The following PRKG1 variants were observed in gnomAD, a reference collection of about 807,000 sequenced individuals.
PRKG1 encodes the protein cGMP-dependent protein kinase 1.
In PRKG1, 35 loss-of-function variants were observed where a neutral mutation model predicts 88.1. The observed-to-expected ratio is 0.40, with a 90% CI of 0.30 to 0.53. PRKG1 has a LOEUF of 0.53. Among genes scored for constraint, PRKG1 ranks in the 20% least tolerant of loss-of-function variants. The pLI, the probability that PRKG1 is intolerant of heterozygous loss-of-function variation, is 0.59. For synonymous variants in PRKG1, 303 were observed against 292.5 expected (o/e 1.04, Z -0.37); for missense variants, 540 against 839.8 (o/e 0.64, Z 4.41).
rs148294290 is a variant in PRKG1, at chr10:51,199,536, A to G, written c.478+46206A>G. 7.0e-3 allele frequency among the ~76,000 whole-genome samples: 1,070 copies of G among 152,242 alleles called. 4 individuals carry two copies. Among genetic ancestry groups the G allele is most frequent in the South Asian group, 0.015 (71 of 4,822 alleles). On this transcript the variant is annotated intron_variant, in intron 2 of 17. Coordinates refer to ENST00000373980, the MANE Select transcript of PRKG1 (RefSeq NM_006258.4). The stretch of plus-strand genomic sequence containing the variant: ...CTCTGCAGATCTATTTTCTACCATT[A>G]TCGGCTGTGTTACCAGCACAATGGC...
intron 2 of PRKG1, among the ~76,000 whole-genome samples, chr10:51,446,561 T>G (rs1040217462): frequency 6.6e-6 from 1 of 152,044 alleles, no homozygotes; most frequent in Non-Finnish European, 1.5e-5. Flanking sequence ...GAAAATTGTT[T>G]TACAATTTAA....
At chr10:51,871,533 C>T (rs924074754) in intron 4 of PRKG1, among the ~76,000 whole-genome samples, 1 of 152,232 alleles carries the variant, frequency 6.6e-6, no homozygotes, top group Non-Finnish European at 1.5e-5. Flanking sequence ...ATAATAGTGG[C>T]TACTGTCCCA....
chr10:51,445,819 A>C, intron 2 of PRKG1, among the ~76,000 whole-genome samples: 1 of 151,914 alleles, frequency 6.6e-6, no homozygotes, highest in East Asian at 1.9e-4. Context: ...AAGTAGGTTA[A>C]AAATAGCCTT....
rs547183440 is a variant in PRKG1, at chr10:51,092,691, C to T, written c.311+17790C>T. ...ACTGTTAGCTTGCTTTCTTATTGTG[C>T]GGGTACCAGAAATGAAGTTTCAGTG... On this transcript the variant is annotated intron_variant, in intron 1 of 17. Transcript: ENST00000373980. 5.3e-4 allele frequency among the ~76,000 whole-genome samples: 81 copies of T among 152,048 alleles called. No homozygotes were observed. The South Asian group carries it at 0.012, about 22-fold the overall frequency.
rs1487405348 is a variant in PRKG1 at position 50,991,272 on chromosome 10, C to G, written c.-107C>G. On this transcript the variant is annotated 5_prime_UTR_variant, in exon 1 of 18. Transcript: ENST00000401604. This position sits in a 1 kb window ranked among gnomAD's most constrained non-coding sequence, Gnocchi z 4.5. The stretch of plus-strand genomic sequence containing the variant: ...CGCTCGAGTACTTAGCGCCCATTCA[C>G]TCGCTCACCCGCGCTCTCCGCTGCC... 2.8e-6 allele frequency: 4 copies of G among 1,432,464 alleles called. No individual in the cohort carries two copies. Among genetic ancestry groups the G allele is most frequent in the African/African-American group, 3.0e-5 (2 of 65,616 alleles). 88.7% of individuals were successfully genotyped at this position (1,432,464 alleles called of 1,614,324 possible).
chr10:52,232,611 A>T (rs1840552309), intron 9 of PRKG1, among the ~76,000 whole-genome samples: 1 of 152,222 alleles, frequency 6.6e-6, no homozygotes, highest in South Asian at 2.1e-4. Flanking sequence ...TCATATATTT[A>T]CATTAAGGTT....
Position 52,198,497 on chromosome 10 carries a change from A to G in PRKG1, c.1076+36534A>G, listed in dbSNP as rs116669451. On this transcript the variant is annotated intron_variant, in intron 9 of 17. Coordinates refer to ENST00000373980, the MANE Select transcript of PRKG1 (RefSeq NM_006258.4). ...GAAACAATGAGCAAATAGAATCAGG[A>G]AAAACTATAATAATTAGAATGATAA... 3.3e-3 allele frequency among the ~76,000 whole-genome samples: 510 copies of G among 152,338 alleles called. 5 individuals are homozygous for G. The highest frequency in any genetic ancestry group is 0.012 in the African/African-American group (498 of 41,588).
At chr10:51,832,742 A>G (rs904551347) in intron 4 of PRKG1, among the ~76,000 whole-genome samples, 2 of 152,172 alleles carry the variant, frequency 1.3e-5, no homozygotes, top group African/African-American at 4.8e-5. Context: ...AGCAATTTGC[A>G]TTACAGAAAG....
At chr10:52,270,716 G>A (rs1041701869) in intron 10 of PRKG1, among the ~76,000 whole-genome samples, 2 of 121,564 alleles carry the variant, frequency 1.6e-5, no homozygotes, top group Non-Finnish European at 3.3e-5. Context: ...ACTGGGGACT[G>A]TTGTGGGGTG....
chr10:51,484,330 T>C (rs10762176), intron 3 of PRKG1, among the ~76,000 whole-genome samples: 68,340 of 152,060 alleles, frequency 0.45, 17,136 homozygotes, highest in East Asian at 0.84. Flanking sequence ...TTCTTCCCTG[T>C]AATCTCAAAG....
At chr10:51,867,768 T>A (rs757441894) in intron 4 of PRKG1, among the ~76,000 whole-genome samples, 3 of 152,046 alleles carry the variant, frequency 2.0e-5, no homozygotes, top group Admixed American at 6.6e-5. Context: ...ATATGCAGAG[T>A]GAATACTGAA....
chr10:51,947,309 C>A (rs954159308), intron 5 of PRKG1, among the ~76,000 whole-genome samples: 1 of 152,096 alleles, frequency 6.6e-6, no homozygotes, highest in African/African-American at 2.4e-5. Flanking sequence ...TTTTTAAGCT[C>A]GTCAGAAAAG....
At chr10:52,264,545 A>G (rs1226947296) in intron 10 of PRKG1, among the ~76,000 whole-genome samples, 1 of 152,150 alleles carries the variant, frequency 6.6e-6, no homozygotes, top group Non-Finnish European at 1.5e-5. Flanking sequence ...TGGATTACTT[A>G]CAAAGACTTT....
rs58060857 is a variant in PRKG1, at chr10:51,982,276, T to C, written c.763-72208T>C. The stretch of plus-strand genomic sequence containing the variant: ...TCAGTGTATTCCTGCATCTCAATGA[T>C]GTTCATTCCTATCCATATTCTGAAT... On this transcript the variant is annotated intron_variant, in intron 5 of 17. Transcript: ENST00000373980. 1.3e-3 allele frequency among the ~76,000 whole-genome samples: 203 copies of C among 152,338 alleles called. 1 individual carries two copies. The highest frequency in any genetic ancestry group is 4.6e-3 in the African/African-American group (190 of 41,584).
At chr10:52,048,711 T>G (rs1845918806) in intron 5 of PRKG1, among the ~76,000 whole-genome samples, 1 of 152,156 alleles carries the variant, frequency 6.6e-6, no homozygotes, top group Non-Finnish European at 1.5e-5. Context: ...GAAGACAGGT[T>G]TTTTAACTCA....
chr10:51,536,812 T>C (rs1012056696), intron 3 of PRKG1, among the ~76,000 whole-genome samples: 4 of 106,228 alleles, frequency 3.8e-5, no homozygotes, highest in African/African-American at 3.7e-5. Context: ...CCCCCCACCC[T>C]GCAACAGTCC....
At position 51,804,616 on chromosome 10, in the gene PRKG1, T is replaced by C. The variant is rs1839257596; in HGVS notation, c.624T>C (p.Asp208=). Residue 208 remains aspartate (D), a synonymous_variant, in exon 4 of 18, where the codon GAT becomes GAC. Transcript: ENST00000373980. ...TAAATGTAAAACTCTGGGCCATTGATCGACAATGTTTTCAAACAATAATGA... is the reference window on the plus strand; with the variant it reads ...TAAATGTAAAACTCTGGGCCATTGACCGACAATGTTTTCAAACAATAATGA... ...TLVNVKLWAI[D]RQCFQTIMMR... The C allele has an allele frequency of 6.2e-7, 1 of 1,602,988 alleles. No homozygotes were observed. The highest frequency in any genetic ancestry group is 1.1e-5 in the South Asian group (1 of 90,794).
chr10:51,923,869 C>T (rs1476129837), intron 5 of PRKG1, among the ~76,000 whole-genome samples: 5 of 151,396 alleles, frequency 3.3e-5, no homozygotes, highest in African/African-American at 1.2e-4. Flanking sequence ...CATTTTGTTG[C>T]CCAGGCTAGA....
At chr10:51,131,979 A>G (rs1212171779) in intron 1 of PRKG1, among the ~76,000 whole-genome samples, 3 of 152,296 alleles carry the variant, frequency 2.0e-5, no homozygotes, top group East Asian at 1.9e-4. Context: ...TTGATCAAAC[A>G]TACAATAAAT....
Sources: gnomAD v4.1 joint callset for allele counts (sites outside exome capture counted in the v4.1 genomes callset) on GRCh38, gnomAD v4.1.1 for gene constraint, Gnocchi (gnomAD v3.1) non-coding constraint, MANE v1.5 for transcripts, NCBI Gene and HGNC (gene_info 2026-07-23, HGNC 2026-07-21) for gene names.